CSMD2: variants seen among roughly 807,000 people sequenced by gnomAD.
CSMD2 encodes CUB and sushi domain-containing protein 2.
CSMD2 carries 130 observed loss-of-function variants against 398.5 expected under a neutral mutation model. The ratio of observed to expected loss-of-function variants is 0.33; its 90% confidence interval spans 0.28 to 0.38. The LOEUF is 0.38. CSMD2 is among the 10% of genes least tolerant of loss of function. CSMD2 has a pLI of 1.00. For missense variants in CSMD2, 3,829 were observed against 4,764.9 expected (o/e 0.80, Z 5.78); for synonymous variants, 1,828 against 1,908.5 (o/e 0.96, Z 1.10).
chr1:33,999,484 C>T (rs1272631962), intron 3 of CSMD2, among the ~76,000 whole-genome samples: 1 of 152,146 alleles, frequency 6.6e-6, no homozygotes, highest in African/African-American at 2.4e-5. Context: ...CAGCCTTTAA[C>T]TCCTGGGCTC....
chr1:33,753,897 T>C (rs1321126555), intron 13 of CSMD2, among the ~76,000 whole-genome samples: 3 of 152,332 alleles, frequency 2.0e-5, no homozygotes, highest in Non-Finnish European at 1.5e-5. Context: ...GTTTCTCCCT[T>C]TTGGAATGAG....
chr1:34,138,149 A>T (rs1020462190), intron 1 of CSMD2, among the ~76,000 whole-genome samples: 1 of 152,162 alleles, frequency 6.6e-6, no homozygotes, highest in African/African-American at 2.4e-5. Context: ...CTTTCTATTT[A>T]TTTAAAAGAA....
At chr1:33,539,898 G>GAGT (rs1242857356) in intron 60 of CSMD2, among the ~76,000 whole-genome samples, 2 of 152,184 alleles carry the variant, frequency 1.3e-5, no homozygotes. Context: ...ACAGTATCAT[G>GAGT]AGTATGTGGA....
At chr1:33,842,100 C>T (rs1350313651) in intron 6 of CSMD2, among the ~76,000 whole-genome samples, 4 of 152,088 alleles carry the variant, frequency 2.6e-5, no homozygotes, top group African/African-American at 2.4e-5. Flanking sequence ...TCTGTTTCTG[C>T]CCCAGACCAT....
chr1:34,012,377 CCT>C (rs1181063840), intron 3 of CSMD2, among the ~76,000 whole-genome samples: 2 of 152,196 alleles, frequency 1.3e-5, no homozygotes, highest in Non-Finnish European at 1.5e-5. Context: ...GTCTTATCCT[CCT>C]CTGTTTCTTA....
At chr1:33,996,560 A>G (rs1387318666) in intron 3 of CSMD2, among the ~76,000 whole-genome samples, 1 of 152,202 alleles carries the variant, frequency 6.6e-6, no homozygotes, top group Admixed American at 6.5e-5. Flanking sequence ...AGGAGCTTGC[A>G]TGGACTGGAA....
rs1285646562 is a variant in CSMD2, at chr1:34,000,526, CATAA to C, written c.517+32064_517+32067del. Among the ~76,000 whole-genome samples the C allele has an allele frequency of 2.6e-5, 4 of 152,288 alleles. No individual in the cohort carries two copies. The East Asian group carries it at 7.7e-4, about 29-fold the overall frequency. ...ACCGGCAATGCAGAACCGCTCGGTT[CATAA>C]TCCCCTTTCCCAGGCCCCAGAGTTC... is the stretch of plus-strand genomic sequence containing the variant. On this transcript the variant is annotated intron_variant, in intron 3 of 70. Transcript: ENST00000373381.
intron 5 of CSMD2, among the ~76,000 whole-genome samples, chr1:33,911,764 CAGAT>C (rs988867690): frequency 6.6e-6 from 1 of 152,222 alleles, no homozygotes; most frequent in African/African-American, 2.4e-5. Flanking sequence ...GAAGTCCAGA[CAGAT>C]AGAGCAGGCA....
rs142222633 is a variant in CSMD2, at chr1:33,817,534, T to C, written c.1324+2179A>G. ...TCCATGTGACTCCCAAACTGTATGA[T>C]TGCAATAGGATTAGACAAGACAGCT... On this transcript the variant is annotated intron_variant, in intron 9 of 70. Transcript: ENST00000373381. 1.6e-3 allele frequency among the ~76,000 whole-genome samples: 249 copies of C among 152,224 alleles called. 1 individual carries two copies. The highest frequency in any genetic ancestry group is 0.014 in the Middle Eastern group (4 of 294).
intron 44 of CSMD2, among the ~76,000 whole-genome samples, chr1:33,595,469 T>C (rs1259397940): frequency 1.3e-5 from 2 of 152,218 alleles, no homozygotes; most frequent in Non-Finnish European, 2.9e-5. Flanking sequence ...TTTGTTATTA[T>C]TGTGTGTGGA....
intron 3 of CSMD2, among the ~76,000 whole-genome samples, chr1:33,939,278 G>T (rs1195068351): frequency 6.6e-6 from 1 of 152,088 alleles, no homozygotes; most frequent in Non-Finnish European, 1.5e-5. Context: ...CCTGCTGCTG[G>T]TTCACTTGGC....
chr1:33,874,180 A>T (rs1305747350), intron 5 of CSMD2, among the ~76,000 whole-genome samples: 1 of 152,232 alleles, frequency 6.6e-6, no homozygotes, highest in East Asian at 1.9e-4. Context: ...ATTTAACACA[A>T]TGCGTCACAT....
chr1:34,049,001 C>T (rs1205010297), intron 2 of CSMD2, among the ~76,000 whole-genome samples: 2 of 152,110 alleles, frequency 1.3e-5, no homozygotes, highest in African/African-American at 4.8e-5. Context: ...AACCATGGTT[C>T]CTTCTCCAGA....
At chr1:33,625,330 G>A in intron 33 of CSMD2, 76 bp from the exon 34 acceptor site, 1 of 1,365,474 alleles carries the variant, frequency 7.3e-7, no homozygotes, top group Non-Finnish European at 1.0e-6. Context: ...CAACGGGTCT[G>A]GAACAAAGAC....
intron 1 of CSMD2, among the ~76,000 whole-genome samples, chr1:34,093,011 T>A (rs1658822398): frequency 6.6e-6 from 1 of 152,146 alleles, no homozygotes; most frequent in Admixed American, 6.5e-5. Flanking sequence ...TGTCCCTGTC[T>A]GACAGCTTTG....
intron 3 of CSMD2, among the ~76,000 whole-genome samples, chr1:33,974,273 G>A (rs990889104): frequency 6.6e-6 from 1 of 152,214 alleles, no homozygotes; most frequent in Non-Finnish European, 1.5e-5. Context: ...AGAACTGTCT[G>A]TTGGTCACAT....
chr1:34,084,814 C>CAA (rs1482659114), intron 2 of CSMD2, among the ~76,000 whole-genome samples: 1 of 152,046 alleles, frequency 6.6e-6, no homozygotes, highest in African/African-American at 2.4e-5. Flanking sequence ...TTGTGGAAGT[C>CAA]AGTGTGGCGA....
chr1:33,521,030 A>G (rs1174155739), intron 68 of CSMD2, among the ~76,000 whole-genome samples: 1 of 152,224 alleles, frequency 6.6e-6, no homozygotes, highest in Non-Finnish European at 1.5e-5. Flanking sequence ...TCTTATCTGT[A>G]AAATGGGCAC....
chr1:33,522,820 C>T (rs527759255), intron 67 of CSMD2, among the ~76,000 whole-genome samples: 2 of 152,300 alleles, frequency 1.3e-5, no homozygotes, highest in East Asian at 3.9e-4. Flanking sequence ...TCAAGAAAGC[C>T]CTAGAATAGA....
Sources: allele counts gnomAD v4.1 joint callset (sites outside exome capture counted in the v4.1 genomes callset), GRCh38; gene constraint gnomAD v4.1.1; transcripts MANE v1.5; gene names NCBI Gene and HGNC (gene_info 2026-07-23, HGNC 2026-07-21).